PNMA3: variants seen among roughly 807,000 people sequenced by gnomAD.
PNMA3 encodes PNMA family member 3, also known as paraneoplastic antigen Ma3.
A neutral mutation model predicts 25.1 loss-of-function variants in PNMA3; 10 were observed. The observed-to-expected ratio is 0.40, with a 90% CI of 0.25 to 0.68. The LOEUF is 0.68. Among genes scored for constraint, PNMA3 ranks in the 30% least tolerant of loss-of-function variants. PNMA3 has a pLI of 0.40. For missense variants in PNMA3, 317 were observed against 372.1 expected (o/e 0.85, Z 1.22); for synonymous variants, 134 against 148.7 (o/e 0.90, Z 0.72).
rs1305198772 is a variant in PNMA3 at position 153,059,612 on chromosome X, C to T, written c.*1165C>T. 1 of 124,125 alleles carries T rather than the reference C, an allele frequency of 8.1e-6. No homozygotes were observed. Among genetic ancestry groups the T allele is most frequent in the East Asian group, 2.8e-4 (1 of 3,528 alleles). The allele number at this position is 124,125 out of a possible 1,213,427, so 10.2% of individuals were successfully genotyped here. ...CCCCCTGTTCCAGGAAGCTCATCCT[C>T]ACCTGTGTAGGCCCCTGTAGTGACC... On this transcript the variant is annotated 3_prime_UTR_variant, in exon 2 of 2. Transcript: ENST00000593810.
Position 153,058,732 on chromosome X carries a change from G to A in PNMA3, c.*285G>A. 1.5e-6 allele frequency: 1 copy of A among 686,488 alleles called. No individual in the cohort carries two copies. The highest frequency in any genetic ancestry group is 3.5e-5 in the East Asian group (1 of 28,383). 56.6% of individuals were successfully genotyped at this position (686,488 alleles called of 1,213,427 possible). On this transcript the variant is annotated 3_prime_UTR_variant, in exon 2 of 2. Transcript: ENST00000593810. Reference sequence around the variant, plus strand: ...TGCATCCAGCACATGGGGTGCCTGGGCCTCAGATGGGGACCCCAAAGAAGC... The same window carrying A: ...TGCATCCAGCACATGGGGTGCCTGGACCTCAGATGGGGACCCCAAAGAAGC...
chrX:153,059,817 G>C lies in PNMA3; in HGVS notation c.*1370G>C, dbSNP rs1387720093. On this transcript the variant is annotated 3_prime_UTR_variant, in exon 2 of 2. Transcript: ENST00000593810. Reference sequence around the variant, plus strand: ...GCACCACCTCTGCTTTCCCTGTGTAGATCTAGGCCAGTGGCTGCTTGTTCT... The same window carrying C: ...GCACCACCTCTGCTTTCCCTGTGTACATCTAGGCCAGTGGCTGCTTGTTCT... 1.6e-5 allele frequency: 2 copies of C among 124,117 alleles called. No homozygotes were observed. Among genetic ancestry groups the C allele is most frequent in the African/African-American group, 6.4e-5 (2 of 31,055 alleles). The allele number at this position is 124,117 out of a possible 1,213,427, so 10.2% of individuals were successfully genotyped here.
In PNMA3 at chrX:153,058,982, G is replaced by A. The variant is rs782748385; in HGVS notation, c.*535G>A. The A allele has an allele frequency of 1.0e-4, 19 of 189,086 alleles. No homozygotes were observed. The highest frequency in any genetic ancestry group is 4.1e-4 in the South Asian group (3 of 7,378). The allele number at this position is 189,086 out of a possible 1,213,427, so 15.6% of individuals were successfully genotyped here. The stretch of plus-strand genomic sequence containing the variant: ...CAGGGGAGGCCACAGGGTCCATCCC[G>A]TCTTCAGGATCATCTACACTGCACT... On this transcript the variant is annotated 3_prime_UTR_variant, in exon 2 of 2. Transcript: ENST00000593810.
Position 153,058,884 on chromosome X carries a change from T to G in PNMA3, c.*437T>G. 3.5e-6 allele frequency: 1 copy of G among 287,459 alleles called. No homozygotes were observed. The highest frequency in any genetic ancestry group is 6.5e-6 in the Non-Finnish European group (1 of 154,453). 23.7% of individuals were successfully genotyped at this position (287,459 alleles called of 1,213,427 possible). A position where few individuals can be genotyped will look rare whatever the true frequency, so the allele number is the denominator to read the frequency against. On this transcript the variant is annotated 3_prime_UTR_variant, in exon 2 of 2. Transcript: ENST00000593810. ...AGGCCACATGGGACCTGGAGGAGCC[T>G]ACCTGGGGCCTGCCCCTGCCAGCAG...
Position 153,058,146 on chromosome X carries a change from G to A in PNMA3, c.1091G>A (p.Gly364Glu). 1.7e-6 allele frequency: 2 copies of A among 1,211,961 alleles called. No individual in the cohort carries two copies. Among genetic ancestry groups the A allele is most frequent in the East Asian group, 3.0e-5 (1 of 33,830 alleles). The change falls in exon 2 of 2, where the codon GGG (glycine) becomes GAG (glutamate). Residue 364 changes from glycine (G) to glutamate (E), a missense_variant. Physicochemically the swap from Gly to Glu is moderately conservative, Grantham distance 98 (BLOSUM62 -2). Coordinates refer to ENST00000593810, the MANE Select transcript of PNMA3 (RefSeq NM_013364.6). ...CCACCTGCCAGGATCACTGGGGTTG[G>A]GGCAGTACCTCTCCCTGCCTCTGGC... ...PRPPARITGV[G>E]AVPLPASGNS...
chrX:153,059,935 G>A lies in PNMA3; in HGVS notation c.*1488G>A, dbSNP rs1556932919. Reference sequence around the variant, plus strand: ...TGACAGGAAGGAAGCACCAGGGCAAGGCGGACGCTCACCCTGTGACCACGA... The same window carrying A: ...TGACAGGAAGGAAGCACCAGGGCAAAGCGGACGCTCACCCTGTGACCACGA... On this transcript the variant is annotated 3_prime_UTR_variant, in exon 2 of 2. Coordinates refer to ENST00000593810, the MANE Select transcript of PNMA3 (RefSeq NM_013364.6). 1.6e-5 allele frequency: 2 copies of A among 124,666 alleles called. No individual in the cohort carries two copies. Among genetic ancestry groups the A allele is most frequent in the African/African-American group, 6.4e-5 (2 of 31,171 alleles). The allele number at this position is 124,666 out of a possible 1,213,427, so 10.3% of individuals were successfully genotyped here.
Position 153,057,432 on chromosome X carries a change from C to T in PNMA3, c.377C>T (p.Ser126Leu), listed in dbSNP as rs782532073. Residue 126 changes from serine (S) to leucine (L), a missense_variant, in exon 2 of 2, where the codon TCG becomes TTG. By Grantham distance (145) the Ser-to-Leu change is moderately radical. Coordinates refer to ENST00000593810, the MANE Select transcript of PNMA3 (RefSeq NM_013364.6). Reference sequence around the variant, plus strand: ...TCAGATATGAACCGAGTCCTCGGGTCGGACACCAATTGTTCGGCTCCAAGA... The same window carrying T: ...TCAGATATGAACCGAGTCCTCGGGTTGGACACCAATTGTTCGGCTCCAAGA... ...TVSDMNRVLG[S>L]DTNCSAPRVT... is the part of the protein sequence containing the mutation. The T allele has an allele frequency of 2.5e-5, 30 of 1,208,904 alleles. No individual in the cohort carries two copies. In the South Asian group the frequency reaches 3.5e-4, roughly 14 times the overall value.
In PNMA3 at chrX:153,057,743, G is replaced by A. The variant is rs2051153682; in HGVS notation, c.688G>A (p.Glu230Lys). ...GGCCAGCAATGCTTCCATAACTGTG[G>A]AGGAGTGCCTGGCTGCCTTGCAGCA... ...LRASNASITV[E>K]ECLAALQQVF... Residue 230 changes from glutamate to lysine, a missense_variant, in exon 2 of 2, where the codon GAG (glutamate) becomes AAG (lysine). Glu to Lys is a moderately conservative substitution (Grantham distance 56). Coordinates refer to ENST00000593810, the MANE Select transcript of PNMA3 (RefSeq NM_013364.6). 8.3e-7 allele frequency: 1 copy of A among 1,211,101 alleles called. No individual in the cohort carries two copies. The highest frequency in any genetic ancestry group is 1.7e-5 in the African/African-American group (1 of 57,454).
chrX:153,057,701 G>T lies in PNMA3; in HGVS notation c.646G>T (p.Val216Leu). 8.2e-7 allele frequency: 1 copy of T among 1,212,290 alleles called. No individual in the cohort carries two copies. The highest frequency in any genetic ancestry group is 1.1e-6 in the Non-Finnish European group (1 of 895,643). ...ATGCTTACGGGGCCCTGCTCTCCAG[G>T]TGGTCAGTGGGCTCCGGGCCAGCAA... The part of the protein sequence containing the change: ...MECLRGPALQ[V>L]VSGLRASNAS... Residue 216 changes from valine (V) to leucine (L), a missense_variant, in exon 2 of 2, where the codon GTG becomes TTG. Physicochemically the swap from Val to Leu is conservative, Grantham distance 32. Coordinates refer to ENST00000593810, the MANE Select transcript of PNMA3 (RefSeq NM_013364.6).
At position 153,057,470 on chromosome X, in the gene PNMA3, C is replaced by T. The variant is rs782475139; in HGVS notation, c.415C>T (p.Pro139Ser). Residue 139 changes from proline (P) to serine (S), a missense_variant, in exon 2 of 2, where the codon CCA becomes TCA. Transcript: ENST00000593810. ...TTCGGCTCCAAGAGTGACTATATCA[C>T]CAGAGTTCTGGACCTGGGCCCAGAC... ...NCSAPRVTIS[P>S]EFWTWAQTLG... is the part of the protein sequence containing the mutation. 4 of 1,209,507 alleles carry T rather than the reference C, an allele frequency of 3.3e-6. No individual in the cohort carries two copies. In the Admixed American group the frequency reaches 8.7e-5, roughly 26 times the overall value.
At position 153,058,775 on chromosome X, in the gene PNMA3, C is replaced by G. The variant is rs5970424; in HGVS notation, c.*328C>G. On this transcript the variant is annotated 3_prime_UTR_variant, in exon 2 of 2. Coordinates refer to ENST00000593810, the MANE Select transcript of PNMA3 (RefSeq NM_013364.6). ...AAAGAAGCAGAAGCTGAAGAAGGTACGGCTGGGGGTTCTGTCCTGCTCATC... is the reference window on the plus strand; with the variant it reads ...AAAGAAGCAGAAGCTGAAGAAGGTAGGGCTGGGGGTTCTGTCCTGCTCATC... 2 of 491,650 alleles carry G rather than the reference C, an allele frequency of 4.1e-6. No homozygotes were observed. The highest frequency in any genetic ancestry group is 6.9e-6 in the Non-Finnish European group (2 of 291,919). The allele number at this position is 491,650 out of a possible 1,213,427, so 40.5% of individuals were successfully genotyped here.
rs1374382734 is a variant in PNMA3, at chrX:153,056,930, C to T, written c.-106-20C>T. 3.7e-5 allele frequency: 36 copies of T among 976,288 alleles called. No homozygotes were observed. Among genetic ancestry groups the T allele is most frequent in the African/African-American group, 9.7e-5 (5 of 51,536 alleles). 80.5% of individuals were successfully genotyped at this position (976,288 alleles called of 1,213,427 possible). A position where few individuals can be genotyped will look rare whatever the true frequency, so the allele number is the denominator to read the frequency against. On this transcript the variant is annotated intron_variant, in intron 1 of 1. Coordinates refer to ENST00000593810, the MANE Select transcript of PNMA3 (RefSeq NM_013364.6). Reference sequence around the variant, plus strand: ...GAGAGGTGGGCATTAACCTCGCTCTCGCCCTGCTCGCATTCACAGGCTGTG... The same window carrying T: ...GAGAGGTGGGCATTAACCTCGCTCTTGCCCTGCTCGCATTCACAGGCTGTG...
rs928118875 is a variant in PNMA3 at position 153,059,597 on chromosome X, C to T, written c.*1150C>T. 8.1e-6 allele frequency: 1 copy of T among 123,985 alleles called. No homozygotes were observed. Among genetic ancestry groups the T allele is most frequent in the South Asian group, 3.7e-4 (1 of 2,685 alleles). The allele number at this position is 123,985 out of a possible 1,213,427, so 10.2% of individuals were successfully genotyped here. On this transcript the variant is annotated 3_prime_UTR_variant, in exon 2 of 2. Transcript: ENST00000593810. ...TCCCGGGACAGGCTGCCCCCTGTTC[C>T]AGGAAGCTCATCCTCACCTGTGTAG...
chrX:153,058,835 A>G lies in PNMA3; in HGVS notation c.*388A>G. On this transcript the variant is annotated 3_prime_UTR_variant, in exon 2 of 2. Transcript: ENST00000593810. ...CTAAATACCCACCCTGTGGACTTTG[A>G]GCTGAACATGCCCACTGGCCCCCAG... 1 of 384,621 alleles carries G rather than the reference A, an allele frequency of 2.6e-6. No individual in the cohort carries two copies. Among genetic ancestry groups the G allele is most frequent in the Non-Finnish European group, 4.7e-6 (1 of 214,047 alleles). The allele number at this position is 384,621 out of a possible 1,213,427, so 31.7% of individuals were successfully genotyped here.
In PNMA3 at chrX:153,058,355, C is replaced by A. The variant is rs2051158915; in HGVS notation, c.1300C>A (p.Leu434Ile). The A allele has an allele frequency of 7.4e-6, 9 of 1,210,622 alleles. No homozygotes were observed. The highest frequency in any genetic ancestry group is 7.8e-6 in the Non-Finnish European group (7 of 895,315). The change falls in exon 2 of 2, where the codon CTC (leucine) becomes ATC (isoleucine). Residue 434 changes from leucine to isoleucine, a missense_variant. Physicochemically the swap from Leu to Ile is conservative, Grantham distance 5. Coordinates refer to ENST00000593810, the MANE Select transcript of PNMA3 (RefSeq NM_013364.6). ...RVQCINPSNL[L>I]LVKQKKQAAV... is the part of the protein sequence containing the mutation. ...ACAGTGCATCAACCCCTCCAACCTG[C>A]TCTTGGTAAAGCAGAAGAAACAGGC...
In PNMA3 at chrX:153,057,039, C is replaced by T. The variant is rs200901878; in HGVS notation, c.-17C>T. ...TGATCACTCCCCCCAAATTAGTATC[C>T]GCAGAGATTCGAGGACATGCCGTTG... On this transcript the variant is annotated 5_prime_UTR_variant, in exon 2 of 2. Transcript: ENST00000593810. 7.6e-5 allele frequency: 91 copies of T among 1,200,031 alleles called. No individual in the cohort carries two copies. The highest frequency in any genetic ancestry group is 3.1e-5 in the Non-Finnish European group (28 of 890,229).
rs781902092 is a variant in PNMA3, at chrX:153,058,421, A to G, written c.1366A>G (p.Ser456Gly). The change falls in exon 2 of 2, where the codon AGC (serine) becomes GGC (glycine). Residue 456 changes from serine to glycine, a missense_variant. Ser to Gly is a moderately conservative substitution (Grantham distance 56, BLOSUM62 0). Transcript: ENST00000593810. The stretch of plus-strand genomic sequence containing the variant: ...AAACGGGAACTGGGCTTGGGACAAG[A>G]GCCATCCCAAGTCCAAGGCCAAGTA... ...SGNGNWAWDK[S>G]HPKSKAK 1.7e-6 allele frequency: 2 copies of G among 1,210,465 alleles called. No homozygotes were observed. The highest frequency in any genetic ancestry group is 3.5e-5 in the African/African-American group (2 of 57,345).
chrX:153,057,464 A>C lies in PNMA3; in HGVS notation c.409A>C (p.Ile137Leu), dbSNP rs1412542828. 1 of 1,209,419 alleles carries C rather than the reference A, an allele frequency of 8.3e-7. No homozygotes were observed. Among genetic ancestry groups the C allele is most frequent in the African/African-American group, 1.7e-5 (1 of 57,222 alleles). ...CAATTGTTCGGCTCCAAGAGTGACT[A>C]TATCACCAGAGTTCTGGACCTGGGC... ...DTNCSAPRVT[I>L]SPEFWTWAQT... Residue 137 changes from isoleucine (I) to leucine (L), a missense_variant, in exon 2 of 2, where the codon ATA (isoleucine) becomes CTA (leucine). Ile to Leu is a conservative substitution (Grantham distance 5, BLOSUM62 2). Transcript: ENST00000593810.
chrX:153,058,398 A>G lies in PNMA3; in HGVS notation c.1343A>G (p.Asn448Ser). Reference protein sequence around the residue: ...QKKQAAVESGNGNWAWDKSHP... With the variant: ...QKKQAAVESGSGNWAWDKSHP... ...AAACAGGCTGCAGTTGAGTCGGGAA[A>G]CGGGAACTGGGCTTGGGACAAGAGC... Residue 448 changes from asparagine to serine, a missense_variant, in exon 2 of 2, where the codon AAC (asparagine) becomes AGC (serine). Physicochemically the swap from Asn to Ser is conservative, Grantham distance 46 (BLOSUM62 1). Transcript: ENST00000593810. 8.2e-7 allele frequency: 1 copy of G among 1,212,207 alleles called. No homozygotes were observed. The highest frequency in any genetic ancestry group is 2.2e-5 in the Admixed American group (1 of 46,154).
Sources: allele counts gnomAD v4.1 joint callset, GRCh38; gene constraint gnomAD v4.1.1; transcripts MANE v1.5; gene names NCBI Gene and HGNC (gene_info 2026-07-23, HGNC 2026-07-21).